The following METTL15 variants were observed in gnomAD, a reference collection of about 807,000 sequenced individuals.
METTL15 encodes the protein methyltransferase 15, mitochondrial 12S rRNA N4-cytidine.
A neutral mutation model predicts 38.3 loss-of-function variants in METTL15; 34 were observed. That is an observed-to-expected ratio of 0.89 (90% CI 0.68 to 1.18). METTL15 has a LOEUF of 1.18. Among genes scored for constraint, METTL15 ranks in the 50% most tolerant of loss-of-function variants. METTL15 has a pLI of 0.00. For missense variants in METTL15, 438 were observed against 498.4 expected (o/e 0.88, Z 1.15); for synonymous variants, 162 against 170.9 (o/e 0.95, Z 0.41).
At chr11:28,119,674 T>G (rs1852127310) in intron 3 of METTL15, among the ~76,000 whole-genome samples, 1 of 152,222 alleles carries the variant, frequency 6.6e-6, no homozygotes, top group African/African-American at 2.4e-5. Context: ...TTTCTATAGT[T>G]ATGGTACTAG....
At chr11:28,109,710 A>C (rs1215964665) in intron 1 of METTL15, among the ~76,000 whole-genome samples, 1 of 152,214 alleles carries the variant, frequency 6.6e-6, no homozygotes, top group Non-Finnish European at 1.5e-5. Flanking sequence ...AGTGTTTTAA[A>C]GTTTGTCTTT....
intron 3 of METTL15, among the ~76,000 whole-genome samples, chr11:28,122,905 T>C (rs1852313424): frequency 6.6e-6 from 1 of 152,058 alleles, no homozygotes; most frequent in African/African-American, 2.4e-5. Context: ...TACTAAAATA[T>C]AAGAATTAAG....
chr11:28,194,908 T>C (rs983975629), intron 3 of METTL15, among the ~76,000 whole-genome samples: 2 of 152,018 alleles, frequency 1.3e-5, no homozygotes, highest in Non-Finnish European at 2.9e-5. Flanking sequence ...TCTGCCTTTA[T>C]GCACCCATAG....
intron 4 of METTL15, among the ~76,000 whole-genome samples, chr11:28,218,887 C>G (rs898596696): frequency 4.6e-5 from 7 of 152,154 alleles, no homozygotes; most frequent in Non-Finnish European, 1.0e-4. Flanking sequence ...ATTGAAGCAG[C>G]CTTGCATCCC....
At chr11:28,366,840 C>T (rs560360927) in intron 5 of METTL15, among the ~76,000 whole-genome samples, 34 of 152,218 alleles carry the variant, frequency 2.2e-4, no homozygotes, top group African/African-American at 7.9e-4. Flanking sequence ...CATTCCTCCC[C>T]AGAGACCCTG....
intron 3 of METTL15, among the ~76,000 whole-genome samples, chr11:28,206,248 G>A (rs79596817): frequency 0.37 from 55,225 of 148,588 alleles, 11,846 homozygotes; most frequent in African/African-American, 0.59. Flanking sequence ...TAGGTCTAAC[G>A]TTTAAATCTT....
intron 6 of METTL15, among the ~76,000 whole-genome samples, chr11:28,487,227 C>T (rs1036011624): frequency 5.9e-5 from 9 of 152,058 alleles, no homozygotes; most frequent in African/African-American, 2.2e-4. Flanking sequence ...GAGAATCATG[C>T]ATCTTCAAAA....
At chr11:28,125,389 G>A (rs1408010376) in intron 3 of METTL15, 1 of 151,476 alleles carries the variant, frequency 6.6e-6, no homozygotes, top group Non-Finnish European at 1.5e-5. Flanking sequence ...TGAAATCTGT[G>A]TATAGATTGA....
At chr11:28,397,242 G>A (rs542523284) in intron 5 of METTL15, among the ~76,000 whole-genome samples, 2,090 of 152,046 alleles carry the variant, frequency 0.014, 22 homozygotes, top group Non-Finnish European at 0.022. Flanking sequence ...TTGACAAATG[G>A]GATCTAATTG....
chr11:28,218,154 G>C (rs192797777), intron 4 of METTL15, among the ~76,000 whole-genome samples: 1 of 152,100 alleles, frequency 6.6e-6, no homozygotes, highest in Non-Finnish European at 1.5e-5. Flanking sequence ...TGGATAGTGT[G>C]GCCATTTTCA....
At chr11:28,203,176 TG>T (rs1200544715) in intron 3 of METTL15, among the ~76,000 whole-genome samples, 1 of 152,064 alleles carries the variant, frequency 6.6e-6, no homozygotes, top group Non-Finnish European at 1.5e-5. Context: ...ATTATTTCCA[TG>T]GGTCCTGATT....
chr11:28,277,417 G>C (rs1208719323), intron 4 of METTL15, among the ~76,000 whole-genome samples: 4 of 152,164 alleles, frequency 2.6e-5, no homozygotes, highest in Non-Finnish European at 2.9e-5. Flanking sequence ...AATGAAATTG[G>C]CCAGTCATGG....
chr11:28,194,242 A>G (rs1378022146), intron 3 of METTL15, among the ~76,000 whole-genome samples: 1 of 145,044 alleles, frequency 6.9e-6, no homozygotes, highest in East Asian at 2.0e-4. Context: ...CTTGTTGCCC[A>G]TGCTGAAGTG....
chr11:28,477,585 CCTT>C (rs1851357791), intron 6 of METTL15: 1 of 152,108 alleles, frequency 6.6e-6, no homozygotes, highest in South Asian at 2.1e-4. Context: ...CATAAAATAG[CCTT>C]CTTCATTTCC....
chr11:28,357,776 A>G (rs1158180454), intron 4 of METTL15, among the ~76,000 whole-genome samples: 2 of 152,192 alleles, frequency 1.3e-5, no homozygotes, highest in African/African-American at 4.8e-5. Context: ...GATCTAGTGC[A>G]CAGAAATCTT....
chr11:28,130,872 A>G (rs1852739794), intron 3 of METTL15, among the ~76,000 whole-genome samples: 1 of 152,340 alleles, frequency 6.6e-6, no homozygotes, highest in Admixed American at 6.5e-5. Context: ...AAATCCTTAT[A>G]AAAAGTACTG....
chr11:28,364,582 C>G (rs1188548561), intron 5 of METTL15, among the ~76,000 whole-genome samples: 4 of 152,096 alleles, frequency 2.6e-5, no homozygotes, highest in Non-Finnish European at 5.9e-5. Context: ...AGCCTTTTAG[C>G]AGAGTCTTTA....
rs550896828 is a variant in METTL15, at chr11:28,446,894, T to G, written c.*424+22530T>G. Among the ~76,000 whole-genome samples, 7 of 152,216 alleles carry G rather than the reference T, an allele frequency of 4.6e-5. No homozygotes were observed. The South Asian group carries it at 1.5e-3, about 32-fold the overall frequency. On this transcript the variant is annotated intron_variant and NMD_transcript_variant, in intron 6 of 7. Coordinates refer to the METTL15 transcript ENST00000532947. ...TTTTTACGTCTGCAATTCCAGATATTTTTCTATAGAAATACAAGAATACAT... is the reference window on the plus strand; with the variant it reads ...TTTTTACGTCTGCAATTCCAGATATGTTTCTATAGAAATACAAGAATACAT...
At position 28,474,366 on chromosome 11, in the gene METTL15, C is replaced by T. The variant is rs527326587; in HGVS notation, c.*424+50002C>T. Among the ~76,000 whole-genome samples, 13 of 152,150 alleles carry T rather than the reference C, an allele frequency of 8.5e-5. No homozygotes were observed. The South Asian group carries it at 2.5e-3, about 29-fold the overall frequency. ...AATCCAAGAAATAATGATAATGCCT[C>T]TCTGTAAAATAGGTCACTAACACTA... On this transcript the variant is annotated intron_variant and NMD_transcript_variant, in intron 6 of 7. Coordinates refer to the METTL15 transcript ENST00000532947.
Sources: gnomAD v4.1 joint callset for allele counts (sites outside exome capture counted in the v4.1 genomes callset) on GRCh38, gnomAD v4.1.1 for gene constraint, MANE v1.5 for transcripts, NCBI Gene and HGNC (gene_info 2026-07-23, HGNC 2026-07-21) for gene names.